Variants in KCNQ5 observed in about 807,000 individuals in gnomAD.
KCNQ5 encodes potassium voltage-gated channel subfamily Q member 5, also known as potassium voltage-gated channel subfamily KQT member 5.
KCNQ5 carries 30 observed loss-of-function variants against 98.2 expected under a neutral mutation model. The ratio of observed to expected loss-of-function variants is 0.31; its 90% confidence interval spans 0.23 to 0.41. The LOEUF (loss-of-function observed/expected upper bound fraction) is 0.41. Among genes scored for constraint, KCNQ5 ranks in the 10% least tolerant of loss-of-function variants. The probability of loss-of-function intolerance (pLI) is 1.00; values close to 1 mark genes in which losing one functional copy is unlikely to be tolerated. For synonymous variants in KCNQ5, 458 were observed against 449.4 expected (o/e 1.02, Z -0.24); for missense variants, 835 against 1,182.5 (o/e 0.71, Z 4.31).
chr6:73,082,043 A>G (rs1459258292), intron 5 of KCNQ5, among the ~76,000 whole-genome samples: 1 of 152,244 alleles, frequency 6.6e-6, no homozygotes, highest in African/African-American at 2.4e-5. Context: ...GAGCATAGGA[A>G]ACATAAGGGC....
rs894130332 is a variant in KCNQ5, at chr6:73,198,376, T to C, written c.*2962T>C. ...TTTATTGAGTTTTTAAGTCCTGATCTGTTCTAAGGTGCCTTTCTCACCTCC... is the reference window on the plus strand; with the variant it reads ...TTTATTGAGTTTTTAAGTCCTGATCCGTTCTAAGGTGCCTTTCTCACCTCC... On this transcript the variant is annotated 3_prime_UTR_variant, in exon 14 of 14. Coordinates refer to ENST00000370398, the MANE Select transcript of KCNQ5 (RefSeq NM_019842.4). The C allele has an allele frequency of 6.6e-6, 1 of 152,248 alleles. No individual in the cohort carries two copies. Among genetic ancestry groups the C allele is most frequent in the African/African-American group, 2.4e-5 (1 of 41,466 alleles). 9.4% of individuals were successfully genotyped at this position (152,248 alleles called of 1,614,324 possible). A position where few individuals can be genotyped will look rare whatever the true frequency, so the allele number is the denominator to read the frequency against.
chr6:72,943,961 A>T (rs2150244698), intron 1 of KCNQ5, among the ~76,000 whole-genome samples: 1 of 152,318 alleles, frequency 6.6e-6, no homozygotes, highest in Non-Finnish European at 1.5e-5. Flanking sequence ...AGATAAAGAC[A>T]TTTAGAAACC....
intron 2 of KCNQ5, among the ~76,000 whole-genome samples, chr6:73,012,840 A>T (rs1174777426): frequency 1.3e-5 from 2 of 149,000 alleles, no homozygotes; most frequent in African/African-American, 4.8e-5. Flanking sequence ...AAAAATTAAA[A>T]AAAATTAAAT....
At chr6:72,899,995 G>A (rs186714382) in intron 1 of KCNQ5, among the ~76,000 whole-genome samples, 18 of 152,076 alleles carry the variant, frequency 1.2e-4, no homozygotes, top group African/African-American at 3.1e-4. Context: ...GCACCACCAC[G>A]CCCTGCTACC....
intron 2 of KCNQ5, among the ~76,000 whole-genome samples, chr6:73,006,659 G>GAATAA (rs1333882171): frequency 6.6e-6 from 1 of 151,936 alleles, no homozygotes; most frequent in African/African-American, 2.4e-5. Context: ...TCTCAAATAT[G>GAATAA]AATAAAATAA....
At chr6:72,651,491 C>A (rs1380776780) in intron 1 of KCNQ5, among the ~76,000 whole-genome samples, 1 of 151,908 alleles carries the variant, frequency 6.6e-6, no homozygotes, top group Admixed American at 6.6e-5. Context: ...AAATTATTTC[C>A]TTCTATGCCT....
At chr6:73,124,335 T>A (rs1374940703) in intron 8 of KCNQ5, 151 bp from the exon 9 acceptor site, 4 of 702,294 alleles carry the variant, frequency 5.7e-6, no homozygotes, top group Non-Finnish European at 1.0e-5. Flanking sequence ...TTGAGTACAT[T>A]TATTATAAAG....
At chr6:72,760,963 A>G (rs1772240663) in intron 1 of KCNQ5, among the ~76,000 whole-genome samples, 1 of 152,150 alleles carries the variant, frequency 6.6e-6, no homozygotes, top group Admixed American at 6.6e-5. Context: ...GCCAGATTTC[A>G]TGATATTTTT....
At chr6:72,768,763 G>T (rs1772704138) in intron 1 of KCNQ5, among the ~76,000 whole-genome samples, 1 of 152,024 alleles carries the variant, frequency 6.6e-6, no homozygotes, top group African/African-American at 2.4e-5. Context: ...CACTGTGTGT[G>T]TGTGTGCGTG....
chr6:72,717,603 A>G (rs1351522244), intron 1 of KCNQ5, among the ~76,000 whole-genome samples: 1 of 152,196 alleles, frequency 6.6e-6, no homozygotes, highest in African/African-American at 2.4e-5. Flanking sequence ...TACAGTCTTT[A>G]ATAAAGCCTT....
At chr6:72,785,685 AAAAC>A (rs1273430322) in intron 1 of KCNQ5, among the ~76,000 whole-genome samples, 8 of 152,202 alleles carry the variant, frequency 5.3e-5, no homozygotes, top group South Asian at 2.1e-4. Context: ...AACACAAAAC[AAAAC>A]AAACAAACAG....
At chr6:72,632,802 T>C (rs1379293368) in intron 1 of KCNQ5, among the ~76,000 whole-genome samples, 1 of 144,728 alleles carries the variant, frequency 6.9e-6, no homozygotes, top group East Asian at 1.9e-4. Flanking sequence ...GGTGTATATG[T>C]ACCATTTTTT....
chr6:73,063,217 T>G (rs1390690922), intron 3 of KCNQ5, among the ~76,000 whole-genome samples: 2 of 152,182 alleles, frequency 1.3e-5, no homozygotes, highest in African/African-American at 4.8e-5. Flanking sequence ...AGAGCGTGTC[T>G]TATTCAAAAA....
chr6:72,786,733 G>A (rs148591946), intron 1 of KCNQ5, among the ~76,000 whole-genome samples: 4 of 152,244 alleles, frequency 2.6e-5, no homozygotes, highest in South Asian at 2.1e-4. Flanking sequence ...TGGGCCGGGC[G>A]CGGTGGCTCA....
In KCNQ5 at chr6:73,052,848, C is replaced by A. The variant is rs1489505401; in HGVS notation, c.616+10786C>A. Among the ~76,000 whole-genome samples the A allele has an allele frequency of 2.0e-5, 3 of 152,056 alleles. No individual in the cohort carries two copies. In the East Asian group the frequency reaches 5.8e-4, roughly 29 times the overall value. ...CACACAAACAGATCTGCATAATAACCAATTAACAACACAAAACAGGATTTG... is the reference window on the plus strand; with the variant it reads ...CACACAAACAGATCTGCATAATAACAAATTAACAACACAAAACAGGATTTG... On this transcript the variant is annotated intron_variant, in intron 3 of 13. Coordinates refer to ENST00000370398, the MANE Select transcript of KCNQ5 (RefSeq NM_019842.4).
chr6:72,761,512 A>G, intron 1 of KCNQ5, among the ~76,000 whole-genome samples: 1 of 151,852 alleles, frequency 6.6e-6, no homozygotes, highest in East Asian at 1.9e-4. Flanking sequence ...ACATATGTAC[A>G]TGGTTCTTAA....
intron 10 of KCNQ5, among the ~76,000 whole-genome samples, chr6:73,166,384 C>G (rs1483418547): frequency 6.6e-6 from 1 of 151,486 alleles, no homozygotes; most frequent in African/African-American, 2.4e-5. Context: ...TGCAGTGAGC[C>G]GAGATCATGC....
At chr6:72,759,229 T>C (rs1429442444) in intron 1 of KCNQ5, among the ~76,000 whole-genome samples, 2 of 152,286 alleles carry the variant, frequency 1.3e-5, no homozygotes, top group Non-Finnish European at 2.9e-5. Flanking sequence ...TGTGAAGAGA[T>C]GGGATCTAAA....
chr6:72,754,966 A>G (rs1464737670), intron 1 of KCNQ5, among the ~76,000 whole-genome samples: 1 of 151,552 alleles, frequency 6.6e-6, no homozygotes, highest in Admixed American at 6.6e-5. Context: ...TTTACTTTTT[A>G]TTACATTTTA....
Sources: allele counts gnomAD v4.1 joint callset (sites outside exome capture counted in the v4.1 genomes callset), GRCh38; gene constraint gnomAD v4.1.1; transcripts MANE v1.5; gene names NCBI Gene and HGNC (gene_info 2026-07-23, HGNC 2026-07-21).